Variants in GNAT3 observed in about 807,000 individuals in gnomAD.
GNAT3 encodes the protein G protein subunit alpha transducin 3.
In GNAT3, 31 loss-of-function variants were observed where a neutral mutation model predicts 37.7. The observed-to-expected ratio is 0.82, with a 90% CI of 0.62 to 1.11. The LOEUF is 1.11. Among genes scored for constraint, GNAT3 ranks in the 50% most tolerant of loss-of-function variants. The pLI is 0.00. For missense variants in GNAT3, 437 were observed against 412.5 expected (o/e 1.06, Z -0.51); for synonymous variants, 138 against 139.8 (o/e 0.99, Z 0.09).
At chr7:80,490,438 C>T (rs1790570207) in intron 2 of GNAT3, among the ~76,000 whole-genome samples, 2 of 152,004 alleles carry the variant, frequency 1.3e-5, no homozygotes, top group South Asian at 4.1e-4. Flanking sequence ...TGCATAGGAA[C>T]AAACTCTGCA....
chr7:80,500,067 T>C (rs991327984), intron 1 of GNAT3, among the ~76,000 whole-genome samples: 1 of 152,174 alleles, frequency 6.6e-6, no homozygotes, highest in Non-Finnish European at 1.5e-5. Flanking sequence ...CCATACCCCA[T>C]GTAAGAGCCA....
intron 3 of GNAT3, among the ~76,000 whole-genome samples, chr7:80,485,402 CAAACTCATTCCA>C (rs1337044213): frequency 6.6e-6 from 1 of 152,132 alleles, no homozygotes; most frequent in Non-Finnish European, 1.5e-5. Context: ...ATAGAACTTA[CAAACTCATTCCA>C]AAACCAAACT....
intron 5 of GNAT3, among the ~76,000 whole-genome samples, chr7:80,471,111 G>A (rs553920046): frequency 1.1e-4 from 17 of 150,422 alleles, no homozygotes; most frequent in African/African-American, 3.9e-4. Flanking sequence ...CTGGGAGGGC[G>A]GCTGATGTGG....
chr7:80,464,219 C>T (rs980297645), intron 5 of GNAT3, among the ~76,000 whole-genome samples: 3 of 151,876 alleles, frequency 2.0e-5, no homozygotes, highest in African/African-American at 7.3e-5. Context: ...TGAAAATAGA[C>T]TTCAGATATC....
At chr7:80,476,297 C>T (rs1790300837) in intron 4 of GNAT3, among the ~76,000 whole-genome samples, 2 of 151,246 alleles carry the variant, frequency 1.3e-5, no homozygotes, top group South Asian at 4.2e-4. Flanking sequence ...TAATCTAAAG[C>T]TTAGACCAAA....
At chr7:80,470,312 T>C (rs1772571433) in intron 5 of GNAT3, among the ~76,000 whole-genome samples, 2 of 152,156 alleles carry the variant, frequency 1.3e-5, no homozygotes, top group Admixed American at 1.3e-4. Flanking sequence ...ACCTCCGCCT[T>C]TTGAGTTCAA....
chr7:80,502,329 T>G (rs1021150078), intron 1 of GNAT3, among the ~76,000 whole-genome samples: 1 of 152,096 alleles, frequency 6.6e-6, no homozygotes, highest in Non-Finnish European at 1.5e-5. Flanking sequence ...TTTCTTGGAT[T>G]GTGAGAAGCA....
Position 80,497,536 on chromosome 7 carries a change from A to G in GNAT3, c.119-2889T>C, listed in dbSNP as rs1465554925. The stretch of plus-strand genomic sequence containing the variant: ...CAGAATATCTTGTTTCTCTCTCTAT[A>G]TATATACACATATACGTATATACAT... On this transcript the variant is annotated intron_variant, in intron 1 of 7. Coordinates refer to ENST00000398291, the MANE Select transcript of GNAT3 (RefSeq NM_001102386.3). 7.4e-5 allele frequency among the ~76,000 whole-genome samples: 11 copies of G among 149,510 alleles called. 1 individual carries two copies. Among genetic ancestry groups the G allele is most frequent in the African/African-American group, 1.8e-4 (7 of 39,950 alleles).
At chr7:80,472,199 C>A (rs1790232814) in intron 5 of GNAT3, among the ~76,000 whole-genome samples, 1 of 152,096 alleles carries the variant, frequency 6.6e-6, no homozygotes, top group Non-Finnish European at 1.5e-5. Context: ...CCTGGCTTAG[C>A]TAGTGAGAGC....
chr7:80,483,855 T>C (rs1326721079), intron 3 of GNAT3, among the ~76,000 whole-genome samples: 6 of 152,152 alleles, frequency 3.9e-5, no homozygotes, highest in Admixed American at 3.9e-4. Context: ...TGGATTTGAG[T>C]GGCATCCCAA....
intron 1 of GNAT3, among the ~76,000 whole-genome samples, chr7:80,499,079 AT>A (rs545793777): frequency 6.6e-6 from 1 of 151,476 alleles, no homozygotes; most frequent in Admixed American, 6.6e-5. Flanking sequence ...CACACATAAG[AT>A]TTTTTTTTGT....
chr7:80,489,693 A>G (rs968274925), intron 2 of GNAT3, among the ~76,000 whole-genome samples: 1 of 152,112 alleles, frequency 6.6e-6, no homozygotes, highest in East Asian at 1.9e-4. Context: ...AAACATGGTC[A>G]TGTTTGTCTT....
At chr7:80,492,720 C>T (rs892796819) in intron 2 of GNAT3, among the ~76,000 whole-genome samples, 3 of 151,208 alleles carry the variant, frequency 2.0e-5, no homozygotes, top group Non-Finnish European at 3.0e-5. Context: ...ATAATTTTCC[C>T]AGCTTACTAT....
Position 80,509,425 on chromosome 7 carries a change from C to T in GNAT3, c.118+2384G>A, listed in dbSNP as rs182845611. 3.7e-3 allele frequency among the ~76,000 whole-genome samples: 566 copies of T among 152,000 alleles called. 2 individuals carry two copies. The highest frequency in any genetic ancestry group is 0.013 in the African/African-American group (538 of 41,490). On this transcript the variant is annotated intron_variant, in intron 1 of 7. Transcript: ENST00000398291. The stretch of plus-strand genomic sequence containing the variant: ...GAGTTTAGTGCACATAGTGTTGGAA[C>T]CAAATAAATCCAAGTATTTTACTTA...
chr7:80,467,247 A>G (rs979897693), intron 5 of GNAT3, among the ~76,000 whole-genome samples: 8 of 152,144 alleles, frequency 5.3e-5, no homozygotes, highest in African/African-American at 7.2e-5. Flanking sequence ...GTTCATATAG[A>G]TAAAATGGAT....
chr7:80,495,734 A>G (rs1790705016), intron 1 of GNAT3, among the ~76,000 whole-genome samples: 3 of 151,852 alleles, frequency 2.0e-5, no homozygotes, highest in African/African-American at 4.8e-5. Context: ...CCCAAAGTGC[A>G]GGATTACAGG....
rs142296508 is a variant in GNAT3 at position 80,496,499 on chromosome 7, CTTTCCTAACACTTT to C, written c.119-1866_119-1853del. Among the ~76,000 whole-genome samples the C allele has an allele frequency of 4.5e-3, 687 of 152,320 alleles. 3 individuals are homozygous for C. Among genetic ancestry groups the C allele is most frequent in the African/African-American group, 0.016 (654 of 41,568 alleles). Reference sequence around the variant, plus strand: ...TCATTTCCCTATTCTACCTTCACTTCTTTCCTAACACTTTTCTCCTAACACTTTTCTTCTTCTAC... The same window carrying C: ...TCATTTCCCTATTCTACCTTCACTTCTCTCCTAACACTTTTCTTCTTCTAC... On this transcript the variant is annotated intron_variant, in intron 1 of 7. Transcript: ENST00000398291.
intron 2 of GNAT3, among the ~76,000 whole-genome samples, chr7:80,492,410 CTGT>C (rs972555676): frequency 6.6e-6 from 1 of 151,394 alleles, no homozygotes; most frequent in Non-Finnish European, 1.5e-5. Flanking sequence ...ATTTTGTAAC[CTGT>C]TTTTTTAGTA....
chr7:80,460,770 T>C (rs1035257722), intron 7 of GNAT3, among the ~76,000 whole-genome samples: 1 of 151,778 alleles, frequency 6.6e-6, no homozygotes, highest in Non-Finnish European at 1.5e-5. Context: ...AAGATGGACT[T>C]TAGTTAATAA....
Sources: gnomAD v4.1 joint callset for allele counts (sites outside exome capture counted in the v4.1 genomes callset) on GRCh38, gnomAD v4.1.1 for gene constraint, MANE v1.5 for transcripts, NCBI Gene and HGNC (gene_info 2026-07-23, HGNC 2026-07-21) for gene names.